FGFR1OP2: variants seen among roughly 807,000 people sequenced by gnomAD.
FGFR1OP2 encodes fibroblast growth factor receptor 1 oncogene partner 2.
Under a neutral mutation model 35.2 loss-of-function variants are expected in FGFR1OP2, and 17 were observed. The observed-to-expected ratio is 0.48, with a 90% confidence interval of 0.33 to 0.73. The LOEUF (loss-of-function observed/expected upper bound fraction) is 0.73, where lower values mean the gene tolerates loss of function less well. Among genes scored for constraint, FGFR1OP2 ranks in the 30% least tolerant of loss-of-function variants. The pLI is 0.02. For missense variants in FGFR1OP2, 251 were observed against 307.3 expected (o/e 0.82, Z 1.37); for synonymous variants, 105 against 104.6 (o/e 1.00, Z -0.03).
At chr12:26,964,034 T>C (rs1939139542) in intron 6 of FGFR1OP2, among the ~76,000 whole-genome samples, 1 of 152,140 alleles carries the variant, frequency 6.6e-6, no homozygotes, top group African/African-American at 2.4e-5. Flanking sequence ...TATTGTTAAA[T>C]GTCTACAAAT....
chr12:26,948,483 C>A (rs1938864753), intron 1 of FGFR1OP2, among the ~76,000 whole-genome samples: 1 of 152,186 alleles, frequency 6.6e-6, no homozygotes, highest in Admixed American at 6.5e-5. Flanking sequence ...TTTTTACTGG[C>A]CTTCATTTCT....
At chr12:26,949,315 T>C (rs1345887910) in intron 1 of FGFR1OP2, among the ~76,000 whole-genome samples, 1 of 151,974 alleles carries the variant, frequency 6.6e-6, no homozygotes, top group Non-Finnish European at 1.5e-5. Flanking sequence ...TTTTTGTATT[T>C]AGTAGAGATG....
Position 26,942,482 on chromosome 12 carries a change from G to T in FGFR1OP2, c.-15+3772G>T, listed in dbSNP as rs749232702. On this transcript the variant is annotated intron_variant, in intron 1 of 6. Transcript: ENST00000229395. ...AATTAAAATTATTACGTAACAGTTT[G>T]ATTTTCCTCTAGGGTACTCTAGAGA... Among the ~76,000 whole-genome samples, 3 of 152,326 alleles carry T rather than the reference G, an allele frequency of 2.0e-5. No individual in the cohort carries two copies. In the East Asian group the frequency reaches 5.8e-4, roughly 29 times the overall value.
At chr12:26,941,456 G>C (rs758934121) in intron 1 of FGFR1OP2, among the ~76,000 whole-genome samples, 23 of 152,316 alleles carry the variant, frequency 1.5e-4, no homozygotes, top group Admixed American at 2.6e-4. Flanking sequence ...TGTTGTCACT[G>C]TGTTTCTGAA....
chr12:26,945,269 T>C (rs1098528), intron 1 of FGFR1OP2, among the ~76,000 whole-genome samples: 68,617 of 151,894 alleles, frequency 0.45, 16,182 homozygotes, highest in East Asian at 0.65. Flanking sequence ...TATTTTGCTC[T>C]TCTTCTCCAG....
chr12:26,955,819 T>G (rs1334795308), intron 2 of FGFR1OP2, among the ~76,000 whole-genome samples: 1 of 152,196 alleles, frequency 6.6e-6, no homozygotes, highest in Non-Finnish European at 1.5e-5. Context: ...TGTTTTCAGT[T>G]TTCTTGGGTA....
At chr12:26,941,810 A>G (rs1022079145) in intron 1 of FGFR1OP2, among the ~76,000 whole-genome samples, 2 of 152,302 alleles carry the variant, frequency 1.3e-5, no homozygotes, top group Admixed American at 6.5e-5. Flanking sequence ...AAATTTTAAA[A>G]AATATCTTGG....
intron 3 of FGFR1OP2, 147 bp from the exon 4 acceptor site, chr12:26,957,454 T>A: frequency 1.6e-6 from 1 of 633,138 alleles, no homozygotes; most frequent in South Asian, 2.3e-5. Context: ...CGGGACTTCA[T>A]TTGGTGTCTC....
chr12:26,956,508 G>T, intron 2 of FGFR1OP2, 35 bp from the exon 3 acceptor site: 2 of 693,886 alleles, frequency 2.9e-6, no homozygotes, highest in Non-Finnish European at 2.2e-6. Flanking sequence ...ATATTTGCAG[G>T]TATTTTCATC....
chr12:26,953,037 C>A (rs183098097), intron 1 of FGFR1OP2, among the ~76,000 whole-genome samples: 6 of 151,680 alleles, frequency 4.0e-5, no homozygotes, highest in Non-Finnish European at 7.4e-5. Context: ...CCAAGGCGGG[C>A]GGATCATGAG....
chr12:26,951,732 A>G (rs779429790), intron 1 of FGFR1OP2, among the ~76,000 whole-genome samples: 4 of 152,188 alleles, frequency 2.6e-5, no homozygotes, highest in South Asian at 4.1e-4. Flanking sequence ...TAGGAAGACT[A>G]TCTAGACTGA....
chr12:26,959,707 C>T lies in FGFR1OP2; in HGVS notation c.397-808C>T, dbSNP rs115658591. On this transcript the variant is annotated intron_variant, in intron 4 of 6. Coordinates refer to ENST00000229395, the MANE Select transcript of FGFR1OP2 (RefSeq NM_015633.3). The stretch of plus-strand genomic sequence containing the variant: ...ATCTAAGTTCAGATGATCCTTGCCT[C>T]CCATAAAATGACTATTCAGTTATTT... Among the ~76,000 whole-genome samples the T allele has an allele frequency of 4.6e-3, 702 of 152,218 alleles. 10 individuals carry two copies. Among genetic ancestry groups the T allele is most frequent in the African/African-American group, 0.016 (660 of 41,542 alleles).
Position 26,964,672 on chromosome 12 carries a change from C to T in FGFR1OP2, c.701C>T (p.Ser234Leu). ...TTGAACCTAAGGAAAGATGATGCGT[C>T]GGAAAGTACTTCTTTGTCAGCATTA... ...SFLNLRKDDASESTSLSALVT... is the reference protein window; with the variant it reads ...SFLNLRKDDALESTSLSALVT... The change falls in exon 7 of 7, where the codon TCG becomes TTG. Residue 234 changes from serine to leucine, a missense_variant. Transcript: ENST00000229395. 5 of 1,612,408 alleles carry T rather than the reference C, an allele frequency of 3.1e-6. No individual in the cohort carries two copies. Among genetic ancestry groups the T allele is most frequent in the Admixed American group, 1.7e-5 (1 of 59,994 alleles).
chr12:26,961,140 A>G (rs993632154), intron 5 of FGFR1OP2: 1 of 151,954 alleles, frequency 6.6e-6, no homozygotes, highest in Non-Finnish European at 1.5e-5. Flanking sequence ...GCAGGTCTTT[A>G]TTGAATAAAG....
At chr12:26,959,245 C>T (rs1939068244) in intron 4 of FGFR1OP2, among the ~76,000 whole-genome samples, 1 of 151,856 alleles carries the variant, frequency 6.6e-6, no homozygotes, top group African/African-American at 2.4e-5. Context: ...AATGGCAATC[C>T]AGGGATGTTT....
At chr12:26,943,721 A>C (rs1451783279) in intron 1 of FGFR1OP2, among the ~76,000 whole-genome samples, 2 of 152,134 alleles carry the variant, frequency 1.3e-5, no homozygotes, top group Non-Finnish European at 2.9e-5. Context: ...GCTACTCTGG[A>C]GGCTGAGGCA....
intron 1 of FGFR1OP2, among the ~76,000 whole-genome samples, chr12:26,945,861 CAAAA>C (rs74728377): frequency 4.9e-5 from 4 of 81,460 alleles, no homozygotes; most frequent in Admixed American, 1.3e-4. Flanking sequence ...AACTCCGTCT[CAAAA>C]AAAAAAAAAA....
intron 1 of FGFR1OP2, among the ~76,000 whole-genome samples, chr12:26,944,990 C>G (rs1938797661): frequency 6.6e-6 from 1 of 152,098 alleles, no homozygotes; most frequent in Non-Finnish European, 1.5e-5. Context: ...TTATCCAATT[C>G]ATGTGTATGG....
intron 1 of FGFR1OP2, among the ~76,000 whole-genome samples, chr12:26,941,807 A>T (rs1018220255): frequency 1.3e-5 from 2 of 152,152 alleles, no homozygotes; most frequent in African/African-American, 4.8e-5. Flanking sequence ...TGAAAATTTT[A>T]AAAAATATCT....
Sources: gnomAD v4.1 joint callset for allele counts (sites outside exome capture counted in the v4.1 genomes callset) on GRCh38, gnomAD v4.1.1 for gene constraint, MANE v1.5 for transcripts, NCBI Gene and HGNC (gene_info 2026-07-23, HGNC 2026-07-21) for gene names.